Variants in STK17A observed in about 807,000 individuals in gnomAD.
The protein encoded by STK17A is serine/threonine kinase 17a.
STK17A carries 26 observed loss-of-function variants against 43.7 expected under a neutral mutation model. That is an observed-to-expected ratio of 0.60 (90% CI 0.44 to 0.83). STK17A has a LOEUF of 0.83. STK17A is among the 40% of genes least tolerant of loss of function. The probability of loss-of-function intolerance (pLI) is 0.00; values close to 1 mark genes in which losing one functional copy is unlikely to be tolerated. For missense variants in STK17A, 476 were observed against 511.6 expected (o/e 0.93, Z 0.67); for synonymous variants, 191 against 182.5 (o/e 1.05, Z -0.38).
rs767557100 is a variant in STK17A, at chr7:43,624,890, A to G, written c.*48A>G. The stretch of plus-strand genomic sequence containing the variant: ...CAAGATTTCTACATTGAAAATGTTA[A>G]TATTATTTATGGACCTCTGGCCAAA... On this transcript the variant is annotated 3_prime_UTR_variant, in exon 7 of 7. Coordinates refer to ENST00000319357, the MANE Select transcript of STK17A (RefSeq NM_004760.3). The G allele has an allele frequency of 2.0e-6, 3 of 1,487,024 alleles. No homozygotes were observed. The Admixed American group carries it at 6.3e-5, about 31-fold the overall frequency. 92.1% of individuals were successfully genotyped at this position (1,487,024 alleles called of 1,614,324 possible). A position where few individuals can be genotyped will look rare whatever the true frequency, so the allele number is the denominator to read the frequency against.
intron 3 of STK17A, among the ~76,000 whole-genome samples, chr7:43,618,887 G>C (rs945847107): frequency 6.6e-6 from 1 of 152,128 alleles, no homozygotes; most frequent in African/African-American, 2.4e-5. Flanking sequence ...TTTGGAAGTA[G>C]ATGAAATCGC....
intron 1 of STK17A, among the ~76,000 whole-genome samples, chr7:43,584,357 A>G (rs973623583): frequency 4.0e-5 from 6 of 151,780 alleles, no homozygotes; most frequent in African/African-American, 1.2e-4. Context: ...GAGGGGTTAG[A>G]CTCTCCAGCC....
At position 43,583,280 on chromosome 7, in the gene STK17A, TC is replaced by T; in HGVS notation, c.41del (p.Pro14GlnfsTer14). The T allele has an allele frequency of 1.9e-6, 3 of 1,542,394 alleles. No homozygotes were observed. The highest frequency in any genetic ancestry group is 2.7e-5 in the East Asian group (1 of 36,484). On this transcript the variant is annotated frameshift_variant, in exon 1 of 7. Coordinates refer to ENST00000319357, the MANE Select transcript of STK17A (RefSeq NM_004760.3). LOFTEE classifies it high-confidence loss of function. ...GGAGAAGCCAGGCAGCGGCGGCTCC[TC>T]CCCAGGCGCCACCTCAGGCTCGGGC... ...PLEKPGSGGS[S>X]PGATSGSGRA...
chr7:43,598,770 T>TG (rs965901790), intron 2 of STK17A, among the ~76,000 whole-genome samples: 30 of 144,944 alleles, frequency 2.1e-4, no homozygotes, highest in Middle Eastern at 3.6e-3. Context: ...TGGTTTTTGG[T>TG]TTTTTTTTTT....
intron 4 of STK17A, among the ~76,000 whole-genome samples, chr7:43,620,044 A>C (rs1394866761): frequency 1.3e-5 from 2 of 152,172 alleles, no homozygotes; most frequent in African/African-American, 4.8e-5. Context: ...ACAAGTAAGG[A>C]CCTTTAAGGA....
At chr7:43,584,765 A>G (rs1314627276) in intron 1 of STK17A, among the ~76,000 whole-genome samples, 1 of 152,236 alleles carries the variant, frequency 6.6e-6, no homozygotes, top group Non-Finnish European at 1.5e-5. Flanking sequence ...TTCAGGAACA[A>G]GATTTACTTC....
At chr7:43,600,128 A>G (rs2082545435) in intron 2 of STK17A, among the ~76,000 whole-genome samples, 1 of 152,224 alleles carries the variant, frequency 6.6e-6, no homozygotes, top group Non-Finnish European at 1.5e-5. Context: ...TCTTTAATCC[A>G]GTCAAGCCAA....
intron 3 of STK17A, among the ~76,000 whole-genome samples, chr7:43,610,991 C>T (rs1414999806): frequency 2.6e-5 from 4 of 152,060 alleles, no homozygotes; most frequent in Non-Finnish European, 5.9e-5. Context: ...GTGGCAGGCA[C>T]CTGTAATCCC....
chr7:43,620,235 T>TAG (rs1038753294), intron 4 of STK17A, among the ~76,000 whole-genome samples: 8 of 152,176 alleles, frequency 5.3e-5, no homozygotes, highest in Admixed American at 2.6e-4. Context: ...TCCATGGGTG[T>TAG]AGGCGTATCA....
At chr7:43,621,622 C>T (rs1417141664) in intron 4 of STK17A, among the ~76,000 whole-genome samples, 3 of 152,224 alleles carry the variant, frequency 2.0e-5, no homozygotes, top group Admixed American at 1.3e-4. Flanking sequence ...CACGTGCCAG[C>T]ACAGCGGGCC....
At chr7:43,596,621 C>T (rs1354356193) in intron 2 of STK17A, among the ~76,000 whole-genome samples, 4 of 152,118 alleles carry the variant, frequency 2.6e-5, no homozygotes, top group Non-Finnish European at 5.9e-5. Context: ...AATCCCGGCA[C>T]TTTGAGAGGC....
chr7:43,622,741 C>T (rs2084045264), intron 4 of STK17A: 1 of 151,650 alleles, frequency 6.6e-6, no homozygotes. Flanking sequence ...CACCCTATCA[C>T]CCAGGCTGGA....
chr7:43,622,807 C>A, intron 4 of STK17A: 1 of 151,958 alleles, frequency 6.6e-6, no homozygotes. Context: ...CTCAAGTGAT[C>A]CTCCCACCTC....
chr7:43,619,626 T>G lies in STK17A; in HGVS notation c.594T>G (p.Ser198=). ...KPQNILLTSE[S]PLGDIKIVDF... is the part of the protein sequence containing the mutation. ...AGAATATTCTGTTGACAAGTGAATC[T>G]CCATTGGGTGACATTAAGATTGTTG... The change falls in exon 4 of 7, where the codon TCT becomes TCG. Residue 198 remains serine (S), a synonymous_variant. Coordinates refer to ENST00000319357, the MANE Select transcript of STK17A (RefSeq NM_004760.3). The G allele has an allele frequency of 6.2e-7, 1 of 1,614,012 alleles. No individual in the cohort carries two copies. The highest frequency in any genetic ancestry group is 8.5e-7 in the Non-Finnish European group (1 of 1,179,974).
chr7:43,610,759 T>C (rs1407730301), intron 3 of STK17A, among the ~76,000 whole-genome samples: 3 of 152,114 alleles, frequency 2.0e-5, no homozygotes, highest in Admixed American at 2.0e-4. Context: ...AATTCATATA[T>C]GTATATATTT....
In STK17A at chr7:43,583,456, A is replaced by ACGGGCGGGGC; in HGVS notation, c.206+9_206+18dup. 1 of 1,310,996 alleles carries ACGGGCGGGGC rather than the reference A, an allele frequency of 7.6e-7. No individual in the cohort carries two copies. The highest frequency in any genetic ancestry group is 3.2e-5 in the East Asian group (1 of 31,244). 81.2% of individuals were successfully genotyped at this position (1,310,996 alleles called of 1,614,324 possible). A position where few individuals can be genotyped will look rare whatever the true frequency, so the allele number is the denominator to read the frequency against. ...CGGGCCGGGAGCTGGGCAGGTGAGGACGGGCGGGGCCCGGCGCGGAACCTT... is the reference window on the plus strand; with the variant it reads ...CGGGCCGGGAGCTGGGCAGGTGAGGACGGGCGGGGCCGGGCGGGGCCCGGCGCGGAACCTT... On this transcript the variant is annotated splice_region_variant and intron_variant, in intron 1 of 6. Coordinates refer to ENST00000319357, the MANE Select transcript of STK17A (RefSeq NM_004760.3).
rs1191641762 is a variant in STK17A, at chr7:43,626,532, T to C, written c.*1690T>C. On this transcript the variant is annotated 3_prime_UTR_variant, in exon 7 of 7. Coordinates refer to ENST00000319357, the MANE Select transcript of STK17A (RefSeq NM_004760.3). The stretch of plus-strand genomic sequence containing the variant: ...CTCCAAAATGCAGAAGAAGAAATTG[T>C]GCCACAGTGATAGAGTTTTTAATGA... 1 of 152,220 alleles carries C rather than the reference T, an allele frequency of 6.6e-6. No individual in the cohort carries two copies. The highest frequency in any genetic ancestry group is 1.5e-5 in the Non-Finnish European group (1 of 68,046). 9.4% of individuals were successfully genotyped at this position (152,220 alleles called of 1,614,324 possible).
intron 1 of STK17A, among the ~76,000 whole-genome samples, chr7:43,588,899 A>G (rs931231031): frequency 1.2e-4 from 18 of 151,530 alleles, no homozygotes; most frequent in African/African-American, 3.6e-4. Context: ...CAAGTACATA[A>G]AAGCACTACC....
At chr7:43,583,473 C>G in intron 1 of STK17A, 24 bp downstream of exon 1, 3 of 1,278,944 alleles carry the variant, frequency 2.3e-6, no homozygotes, top group Non-Finnish European at 2.0e-6. Context: ...GGGCCCGGCG[C>G]GGAACCTTCC....
Sources: gnomAD v4.1 joint callset for allele counts (sites outside exome capture counted in the v4.1 genomes callset) on GRCh38, gnomAD v4.1.1 for gene constraint, MANE v1.5 for transcripts, NCBI Gene and HGNC (gene_info 2026-07-23, HGNC 2026-07-21) for gene names.